BRDT: variants seen among roughly 807,000 people sequenced by gnomAD.
BRDT encodes bromodomain testis associated, also known as bromodomain testis-specific protein.
Under a neutral mutation model 113.9 loss-of-function variants are expected in BRDT, and 77 were observed. The observed-to-expected ratio is 0.68, with a 90% CI of 0.56 to 0.82. The LOEUF (loss-of-function observed/expected upper bound fraction) is 0.82. Ranked by LOEUF, BRDT falls within the 40% of genes least tolerant of loss-of-function variation. BRDT has a pLI of 0.00. For synonymous variants in BRDT, 358 were observed against 366.5 expected (o/e 0.98, Z 0.26); for missense variants, 1,027 against 1,105.4 (o/e 0.93, Z 1.01).
intron 7 of BRDT, among the ~76,000 whole-genome samples, chr1:91,978,809 G>C (rs1034090489): frequency 6.6e-6 from 1 of 151,872 alleles, no homozygotes; most frequent in African/African-American, 2.4e-5. Flanking sequence ...GACCATCCTG[G>C]CTAACATGAT....
intron 10 of BRDT, 33 bp downstream of exon 10, chr1:91,981,211 T>A: frequency 6.2e-7 from 1 of 1,607,750 alleles, no homozygotes; most frequent in Non-Finnish European, 8.5e-7. Flanking sequence ...AGAAATCGGT[T>A]TGGTATTTAT....
chr1:92,007,390 A>G (rs1221882388), intron 18 of BRDT, among the ~76,000 whole-genome samples: 2 of 151,448 alleles, frequency 1.3e-5, no homozygotes, highest in South Asian at 2.1e-4. Flanking sequence ...CGTCCTCCCA[A>G]CCTCCACCCT....
intron 15 of BRDT, among the ~76,000 whole-genome samples, chr1:91,996,247 TTTTA>T (rs1250197492): frequency 5.9e-5 from 9 of 152,174 alleles, no homozygotes; most frequent in African/African-American, 1.7e-4. Context: ...TTCAATTTTA[TTTTA>T]TTTATTTATT....
At chr1:91,973,025 A>G (rs909930457) in intron 4 of BRDT, among the ~76,000 whole-genome samples, 1 of 152,174 alleles carries the variant, frequency 6.6e-6, no homozygotes, top group Non-Finnish European at 1.5e-5. Flanking sequence ...GTTATTTTAT[A>G]TGGGGTGGTT....
At chr1:91,985,891 G>T (rs1191031909) in intron 12 of BRDT, among the ~76,000 whole-genome samples, 1 of 152,086 alleles carries the variant, frequency 6.6e-6, no homozygotes, top group Non-Finnish European at 1.5e-5. Context: ...GCCCGCCTCG[G>T]CCTCCCAAAG....
intron 4 of BRDT, among the ~76,000 whole-genome samples, chr1:91,970,881 C>T (rs1029493663): frequency 2.5e-5 from 3 of 119,580 alleles, no homozygotes; most frequent in African/African-American, 3.3e-5. Context: ...TGCAACAGAG[C>T]AACAGAGCGA....
chr1:91,960,847 GTAT>G (rs1281379426), intron 1 of BRDT, among the ~76,000 whole-genome samples: 1 of 152,092 alleles, frequency 6.6e-6, no homozygotes, highest in African/African-American at 2.4e-5. Context: ...TGTACTTGAG[GTAT>G]TATGTGCACG....
At chr1:91,965,861 A>T (rs6686166) in intron 3 of BRDT, among the ~76,000 whole-genome samples, 106,451 of 151,222 alleles carry the variant, frequency 0.7, 38,645 homozygotes, top group Middle Eastern at 0.81. Flanking sequence ...AAAAAAAAAA[A>T]TCCACCTTCC....
intron 15 of BRDT, among the ~76,000 whole-genome samples, chr1:91,995,401 TTCTGTGTGTGTGTGTG>T (rs1686203333): frequency 8.0e-6 from 1 of 124,816 alleles, no homozygotes; most frequent in African/African-American, 3.1e-5. Flanking sequence ...CTCCCTACTA[TTCTGTGTGTGTGTGTG>T]TGTGTGTGTG....
chr1:92,012,254 G>A (rs1358557165), intron 18 of BRDT, among the ~76,000 whole-genome samples: 5 of 150,040 alleles, frequency 3.3e-5, no homozygotes, highest in African/African-American at 9.8e-5. Context: ...CCGAGATCAC[G>A]CCACTGCACT....
At chr1:91,976,153 T>G in intron 4 of BRDT, 113 bp from the exon 5 acceptor site, 1 of 1,006,128 alleles carries the variant, frequency 9.9e-7, no homozygotes, top group Non-Finnish European at 1.3e-6. Flanking sequence ...GAAATAAGTA[T>G]CCTATGCTTA....
intron 1 of BRDT, among the ~76,000 whole-genome samples, chr1:91,959,801 C>T (rs1682232610): frequency 6.6e-6 from 1 of 152,050 alleles, no homozygotes; most frequent in South Asian, 2.1e-4. Context: ...TTATTAAGTG[C>T]TATATTTCCA....
intron 1 of BRDT, chr1:91,952,039 T>G (rs1681151337): frequency 6.6e-6 from 1 of 152,152 alleles, no homozygotes; most frequent in African/African-American, 2.4e-5. Context: ...CAAAAAACTC[T>G]GCAAAGAGAC....
chr1:91,964,917 T>G (rs1350222606), intron 3 of BRDT, among the ~76,000 whole-genome samples, 153 bp downstream of exon 3: 1 of 150,368 alleles, frequency 6.7e-6, no homozygotes, highest in Non-Finnish European at 1.5e-5. Flanking sequence ...ATAATTTTTT[T>G]TTTTTTTTTT....
At chr1:91,970,616 A>G (rs1234440181) in intron 4 of BRDT, among the ~76,000 whole-genome samples, 2 of 152,244 alleles carry the variant, frequency 1.3e-5, no homozygotes, top group Non-Finnish European at 2.9e-5. Flanking sequence ...TTGCATTGCT[A>G]TAAAGAAATA....
At chr1:92,003,739 G>A (rs1687049958) in intron 16 of BRDT, among the ~76,000 whole-genome samples, 1 of 152,044 alleles carries the variant, frequency 6.6e-6, no homozygotes, top group Non-Finnish European at 1.5e-5. Context: ...GGATGACTTA[G>A]TATGAAAAAA....
intron 7 of BRDT, among the ~76,000 whole-genome samples, chr1:91,979,285 G>C (rs1245619762): frequency 1.3e-5 from 2 of 151,760 alleles, no homozygotes; most frequent in Non-Finnish European, 2.9e-5. Context: ...GACTAATTTT[G>C]TATTTTTAGC....
chr1:91,952,779 A>G (rs77616285), intron 1 of BRDT, among the ~76,000 whole-genome samples: 1 of 119,288 alleles, frequency 8.4e-6, no homozygotes, highest in African/African-American at 3.5e-5. Context: ...CCCATCTCCA[A>G]AAAAAAAAAA....
chr1:92,007,537 T>C (rs113748877), intron 18 of BRDT, among the ~76,000 whole-genome samples: 1,783 of 152,298 alleles, frequency 0.012, 23 homozygotes, highest in African/African-American at 0.032. Context: ...TAGCCTCCAG[T>C]TCCATCCATG....
Sources: allele counts gnomAD v4.1 joint callset (sites outside exome capture counted in the v4.1 genomes callset), GRCh38; gene constraint gnomAD v4.1.1; transcripts MANE v1.5; gene names NCBI Gene and HGNC (gene_info 2026-07-23, HGNC 2026-07-21).